The following AASDHPPT variants were observed in gnomAD, a reference collection of about 807,000 sequenced individuals.
AASDHPPT encodes L-aminoadipate-semialdehyde dehydrogenase-phosphopantetheinyl transferase.
AASDHPPT carries 23 observed loss-of-function variants against 36.4 expected under a neutral mutation model. That is an observed-to-expected ratio of 0.63 (90% CI 0.45 to 0.89). The LOEUF (loss-of-function observed/expected upper bound fraction) is 0.89. Among genes scored for constraint, AASDHPPT ranks in the 40% least tolerant of loss-of-function variants. AASDHPPT has a pLI of 0.00. For missense variants in AASDHPPT, 377 were observed against 378.2 expected (o/e 1.00, Z 0.03); for synonymous variants, 115 against 128.0 (o/e 0.90, Z 0.68).
chr11:106,082,701 C>A (rs896214173), intron 2 of AASDHPPT, among the ~76,000 whole-genome samples: 1 of 152,144 alleles, frequency 6.6e-6, no homozygotes, highest in Non-Finnish European at 1.5e-5. Flanking sequence ...AGAGAACATA[C>A]CTAGTATATA....
At chr11:106,088,152 T>C (rs1471386835) in intron 2 of AASDHPPT, among the ~76,000 whole-genome samples, 1 of 152,090 alleles carries the variant, frequency 6.6e-6, no homozygotes, top group African/African-American at 2.4e-5. Flanking sequence ...TCGTATCGGA[T>C]ATTTTTTGGC....
chr11:106,089,302 A>T (rs1861231175), intron 2 of AASDHPPT, among the ~76,000 whole-genome samples: 1 of 152,012 alleles, frequency 6.6e-6, no homozygotes, highest in Non-Finnish European at 1.5e-5. Flanking sequence ...GAATTGTGTT[A>T]ATCATTTGAG....
At position 106,097,383 on chromosome 11, in the gene AASDHPPT, CTT is replaced by C. The variant is rs545706895; in HGVS notation, c.*480_*481del. 3.4e-3 allele frequency: 537 copies of C among 156,728 alleles called. 2 individuals carry two copies. Among genetic ancestry groups the C allele is most frequent in the Non-Finnish European group, 5.7e-3 (408 of 71,440 alleles). 9.7% of individuals were successfully genotyped at this position (156,728 alleles called of 1,614,324 possible). ...TCATAAATATACCTCTGTAACATAA[CTT>C]TTTGTGGTTCTAATGTACTCTGTTG... On this transcript the variant is annotated 3_prime_UTR_variant, in exon 6 of 6. Transcript: ENST00000278618.
In AASDHPPT at chr11:106,091,432, A is replaced by G; in HGVS notation, c.648A>G (p.Thr216=). ...ATATAGGCCAAGTTTATAAAGAAAC[A>G]CGTTTATTCCTGGATGGAGAGGAAG... ...NLDIGQVYKE[T]RLFLDGEEEK... Residue 216 remains threonine (T), a synonymous_variant, in exon 4 of 6, where the codon ACA becomes ACG. Coordinates refer to ENST00000278618, the MANE Select transcript of AASDHPPT (RefSeq NM_015423.3). 1.2e-6 allele frequency: 2 copies of G among 1,602,698 alleles called. No individual in the cohort carries two copies. The highest frequency in any genetic ancestry group is 1.1e-5 in the South Asian group (1 of 88,276).
At position 106,098,117 on chromosome 11, in the gene AASDHPPT, C is replaced by G. The variant is rs1255153052; in HGVS notation, c.*1210C>G. ...ACTTCCCTCCCCCTGCCAGAATACT[C>G]CTTGGTCAATTGTAGGTATTCTTTT... On this transcript the variant is annotated 3_prime_UTR_variant, in exon 6 of 6. Transcript: ENST00000278618. The G allele has an allele frequency of 6.6e-6, 1 of 152,006 alleles. No individual in the cohort carries two copies. Among genetic ancestry groups the G allele is most frequent in the African/African-American group, 2.4e-5 (1 of 41,418 alleles). 9.4% of individuals were successfully genotyped at this position (152,006 alleles called of 1,614,324 possible).
Position 106,079,704 on chromosome 11 carries a change from T to G in AASDHPPT, c.409+12T>G, listed in dbSNP as rs770388513. 8.7e-6 allele frequency: 14 copies of G among 1,609,982 alleles called. No homozygotes were observed. The highest frequency in any genetic ancestry group is 3.3e-5 in the Admixed American group (2 of 59,968). On this transcript the variant is annotated intron_variant, in intron 2 of 5. Transcript: ENST00000278618. ...GACTAGTTTTCCAGGTAACGTTGCA[T>G]TTTTCTAGTATGGCAGTTAAGTGTC...
intron 4 of AASDHPPT, chr11:106,092,806 A>G (rs1317755573): frequency 6.6e-6 from 1 of 152,190 alleles, no homozygotes; most frequent in Admixed American, 6.5e-5. Flanking sequence ...TGAGCTATTC[A>G]GCATTTTATT....
chr11:106,087,068 C>A (rs1346295037), intron 2 of AASDHPPT, among the ~76,000 whole-genome samples: 2 of 152,158 alleles, frequency 1.3e-5, no homozygotes, highest in African/African-American at 4.8e-5. Context: ...TGTTGGTAAA[C>A]AATGTAAGAG....
At chr11:106,087,717 A>G (rs1258744641) in intron 2 of AASDHPPT, among the ~76,000 whole-genome samples, 6 of 152,184 alleles carry the variant, frequency 3.9e-5, no homozygotes, top group African/African-American at 1.4e-4. Flanking sequence ...TGTTTAAAAT[A>G]AAACATTAGT....
intron 2 of AASDHPPT, among the ~76,000 whole-genome samples, chr11:106,087,263 T>G (rs1861206669): frequency 1.3e-5 from 2 of 152,158 alleles, no homozygotes; most frequent in African/African-American, 4.8e-5. Flanking sequence ...TATTTTTGTG[T>G]TATTCTAGGT....
At chr11:106,090,742 C>T in intron 3 of AASDHPPT, 64 bp downstream of exon 3, 2 of 1,540,904 alleles carry the variant, frequency 1.3e-6, no homozygotes, top group South Asian at 1.3e-5. Flanking sequence ...CACTTAAAAT[C>T]AGAGTCCTTG....
chr11:106,095,540 A>C (rs1156593070), intron 5 of AASDHPPT, among the ~76,000 whole-genome samples: 3 of 152,230 alleles, frequency 2.0e-5, no homozygotes, highest in African/African-American at 7.2e-5. Context: ...CTTAGATTTC[A>C]TATAATTGTG....
Position 106,096,985 on chromosome 11 carries a change from T to C in AASDHPPT, c.*78T>C. 7.4e-7 allele frequency: 1 copy of C among 1,356,050 alleles called. No individual in the cohort carries two copies. Among genetic ancestry groups the C allele is most frequent in the Non-Finnish European group, 9.8e-7 (1 of 1,021,900 alleles). The allele number at this position is 1,356,050 out of a possible 1,614,324, so 84.0% of individuals were successfully genotyped here. A position where few individuals can be genotyped will look rare whatever the true frequency, so the allele number is the denominator to read the frequency against. ...CACTGAAAAATAAATGCTTGTTTAG[T>C]ATCAAATTTTATTTCACGAAAGTTT... On this transcript the variant is annotated 3_prime_UTR_variant, in exon 6 of 6. Transcript: ENST00000278618.
At chr11:106,082,199 C>G (rs1861150882) in intron 2 of AASDHPPT, among the ~76,000 whole-genome samples, 1 of 151,948 alleles carries the variant, frequency 6.6e-6, no homozygotes, top group Non-Finnish European at 1.5e-5. Flanking sequence ...GTTGCTATGT[C>G]CAGTAACACA....
In AASDHPPT at chr11:106,097,056, T is replaced by G. The variant is rs1861322950; in HGVS notation, c.*149T>G. On this transcript the variant is annotated 3_prime_UTR_variant, in exon 6 of 6. Transcript: ENST00000278618. Reference sequence around the variant, plus strand: ...TCCAATTAAAAAAAAAAAGCAGACTTCTGGTTCAAGATAGCTCACTGGAAT... The same window carrying G: ...TCCAATTAAAAAAAAAAAGCAGACTGCTGGTTCAAGATAGCTCACTGGAAT... 3 of 773,136 alleles carry G rather than the reference T, an allele frequency of 3.9e-6. No individual in the cohort carries two copies. The highest frequency in any genetic ancestry group is 5.8e-6 in the Non-Finnish European group (3 of 517,476). 47.9% of individuals were successfully genotyped at this position (773,136 alleles called of 1,614,324 possible).
At chr11:106,077,990 A>G in intron 1 of AASDHPPT, 97 bp downstream of exon 1, 1 of 1,432,216 alleles carries the variant, frequency 7.0e-7, no homozygotes, top group Non-Finnish European at 9.4e-7. Context: ...GCTGGCCGCG[A>G]CCCTCTCGCT....
At chr11:106,089,809 C>A (rs1237179876) in intron 2 of AASDHPPT, among the ~76,000 whole-genome samples, 1 of 151,846 alleles carries the variant, frequency 6.6e-6, no homozygotes, top group African/African-American at 2.4e-5. Context: ...TGAGTTGTAT[C>A]TTTTGTCATT....
intron 5 of AASDHPPT, among the ~76,000 whole-genome samples, chr11:106,094,922 TC>T (rs1861297897): frequency 6.6e-6 from 1 of 152,088 alleles, no homozygotes; most frequent in African/African-American, 2.4e-5. Flanking sequence ...GGTCAGGAGT[TC>T]CAGACCAGCC....
intron 2 of AASDHPPT, among the ~76,000 whole-genome samples, chr11:106,084,455 A>AAT (rs1312586528): frequency 3.3e-5 from 5 of 151,766 alleles, no homozygotes; most frequent in Non-Finnish European, 5.9e-5. Flanking sequence ...AGGGACTTAG[A>AAT]ATATATATAT....
Sources: allele counts gnomAD v4.1 joint callset (sites outside exome capture counted in the v4.1 genomes callset), GRCh38; gene constraint gnomAD v4.1.1; transcripts MANE v1.5; gene names NCBI Gene and HGNC (gene_info 2026-07-23, HGNC 2026-07-21).